Variants in TTC28 observed in about 807,000 individuals in gnomAD.
The protein encoded by TTC28 is tetratricopeptide repeat protein 28.
A neutral mutation model predicts 198.0 loss-of-function variants in TTC28; 61 were observed. The ratio of observed to expected loss-of-function variants is 0.31; its 90% CI spans 0.25 to 0.38. The LOEUF is 0.38. Ranked by LOEUF, TTC28 falls within the 10% of genes least tolerant of loss-of-function variation. TTC28 has a pLI of 1.00. For synonymous variants in TTC28, 1,171 were observed against 1,297.8 expected, an observed-to-expected ratio of 0.90 and a Z score of 2.10; for missense variants, 2,678 against 3,164.0, an observed-to-expected ratio of 0.85 and a Z score of 3.69.
At chr22:28,170,042 C>T (rs1343284058) in intron 5 of TTC28, among the ~76,000 whole-genome samples, 3 of 152,084 alleles carry the variant, frequency 2.0e-5, no homozygotes, top group Non-Finnish European at 4.4e-5. Flanking sequence ...AACAATGGTA[C>T]TTTAATCAGT....
At chr22:28,291,218 G>T (rs894986342) in intron 5 of TTC28, among the ~76,000 whole-genome samples, 3 of 151,436 alleles carry the variant, frequency 2.0e-5, no homozygotes, top group African/African-American at 2.4e-5. Context: ...TAAAAAAAAA[G>T]AATAATGGTA....
intron 2 of TTC28, among the ~76,000 whole-genome samples, chr22:28,514,640 A>G (rs1398291451): frequency 4.6e-5 from 7 of 152,224 alleles, no homozygotes; most frequent in African/African-American, 9.6e-5. Flanking sequence ...TTACTTCTCT[A>G]TATTTTCATA....
intron 2 of TTC28, among the ~76,000 whole-genome samples, chr22:28,551,219 AG>A: frequency 6.6e-6 from 1 of 152,122 alleles, no homozygotes; most frequent in Non-Finnish European, 1.5e-5. Flanking sequence ...AACAGCAGCA[AG>A]ATTGAAATGG....
chr22:28,019,478 G>A (rs1938505533), intron 13 of TTC28, among the ~76,000 whole-genome samples: 1 of 152,170 alleles, frequency 6.6e-6, no homozygotes, highest in African/African-American at 2.4e-5. Context: ...TGTCCTTGTG[G>A]TGGCGTGGTT....
intron 12 of TTC28, among the ~76,000 whole-genome samples, chr22:28,079,389 T>C (rs1477948380): frequency 2.0e-5 from 3 of 152,176 alleles, no homozygotes; most frequent in Admixed American, 2.0e-4. Flanking sequence ...ATAAAATTTA[T>C]TCTCGTAACC....
chr22:28,016,171 C>A (rs1325881900), intron 13 of TTC28, among the ~76,000 whole-genome samples: 1 of 152,126 alleles, frequency 6.6e-6, no homozygotes, highest in Non-Finnish European at 1.5e-5. Context: ...CACATCCGCT[C>A]CCTGGCCTCA....
chr22:28,066,304 G>GTGTGGT (rs71803180), intron 12 of TTC28, among the ~76,000 whole-genome samples: 6 of 147,102 alleles, frequency 4.1e-5, no homozygotes, highest in South Asian at 2.1e-4. Context: ...GTGTGTGTGT[G>GTGTGGT]GTGTGTGTGT....
chr22:28,412,761 G>T (rs1397523023), intron 2 of TTC28, among the ~76,000 whole-genome samples: 1 of 152,154 alleles, frequency 6.6e-6, no homozygotes, highest in Non-Finnish European at 1.5e-5. Context: ...GTGTATTTAG[G>T]CATGGTGATG....
At chr22:28,006,138 G>A (rs142338403) in intron 14 of TTC28, among the ~76,000 whole-genome samples, 10 of 152,136 alleles carry the variant, frequency 6.6e-5, no homozygotes, top group African/African-American at 2.4e-4. Context: ...GCCAAGTCAG[G>A]GTGCTCCCAG....
chr22:28,287,461 T>C (rs914838665), intron 5 of TTC28, among the ~76,000 whole-genome samples: 6 of 152,068 alleles, frequency 3.9e-5, no homozygotes, highest in Admixed American at 1.3e-4. Context: ...ACATTTAATA[T>C]GATATTAGGT....
intron 1 of TTC28, among the ~76,000 whole-genome samples, chr22:28,677,175 A>AAAATAT (rs1555910210): frequency 1.4e-4 from 10 of 69,466 alleles, no homozygotes; most frequent in African/African-American, 7.4e-4. Flanking sequence ...AAAAAAAAAA[A>AAAATAT]ATATATATAT....
intron 2 of TTC28, among the ~76,000 whole-genome samples, chr22:28,331,818 C>T (rs2045621176): frequency 6.6e-6 from 1 of 152,036 alleles, no homozygotes; most frequent in African/African-American, 2.4e-5. Context: ...TGAATTTAAC[C>T]TAGGAAGCTT....
At chr22:28,337,279 A>T (rs1029532070) in intron 2 of TTC28, among the ~76,000 whole-genome samples, 4 of 152,172 alleles carry the variant, frequency 2.6e-5, no homozygotes, top group African/African-American at 9.7e-5. Context: ...CAATTTTGGA[A>T]TAGGTGTGGT....
At chr22:28,480,267 T>G (rs16986471) in intron 2 of TTC28, among the ~76,000 whole-genome samples, 2,419 of 152,290 alleles carry the variant, frequency 0.016, 84 homozygotes, top group African/African-American at 0.056. Flanking sequence ...CTTTCTCTTG[T>G]TTTTCAGACA....
chr22:28,490,229 T>C (rs1197381450), intron 2 of TTC28, among the ~76,000 whole-genome samples: 1 of 152,132 alleles, frequency 6.6e-6, no homozygotes, highest in Non-Finnish European at 1.5e-5. Flanking sequence ...TTCAATCCAA[T>C]CAAGTTGACA....
At chr22:28,267,100 T>G (rs564795903) in intron 5 of TTC28, among the ~76,000 whole-genome samples, 22 of 152,200 alleles carry the variant, frequency 1.4e-4, no homozygotes, top group Non-Finnish European at 2.8e-4. Flanking sequence ...TTGAGAAAAC[T>G]GAGTAACAGT....
intron 1 of TTC28, among the ~76,000 whole-genome samples, chr22:28,646,419 T>G (rs1176566215): frequency 6.6e-6 from 1 of 152,048 alleles, no homozygotes; most frequent in African/African-American, 2.4e-5. Flanking sequence ...CACAAACAAA[T>G]AGAAATCTAT....
intron 2 of TTC28, among the ~76,000 whole-genome samples, chr22:28,490,206 A>G (rs2048357089): frequency 6.6e-6 from 1 of 152,224 alleles, no homozygotes; most frequent in African/African-American, 2.4e-5. Context: ...CCCAAGATCA[A>G]TACTTCACAT....
intron 2 of TTC28, among the ~76,000 whole-genome samples, chr22:28,345,464 G>C (rs1019159587): frequency 1.6e-4 from 25 of 152,096 alleles, no homozygotes; most frequent in African/African-American, 5.8e-4. Flanking sequence ...CCCTGCTCTT[G>C]TAAGAGAGCT....
Sources: gnomAD v4.1 joint callset for allele counts (sites outside exome capture counted in the v4.1 genomes callset) on GRCh38, gnomAD v4.1.1 for gene constraint, MANE v1.5 for transcripts, NCBI Gene and HGNC (gene_info 2026-07-23, HGNC 2026-07-21) for gene names.